The following ZNF592 variants were observed in gnomAD, a reference collection of about 807,000 sequenced individuals.
The protein encoded by ZNF592 is zinc finger protein 592.
ZNF592 carries 11 observed loss-of-function variants against 80.3 expected under a neutral mutation model. That is an observed-to-expected ratio of 0.14 (90% CI 0.09 to 0.23). ZNF592 has a LOEUF of 0.23. Among genes scored for constraint, ZNF592 ranks in the 10% least tolerant of loss-of-function variants. The pLI is 1.00. For missense variants in ZNF592, 1,420 were observed against 1,633.9 expected, an observed-to-expected ratio of 0.87 and a Z score of 2.26; for synonymous variants, 646 against 640.3, an observed-to-expected ratio of 1.01 and a Z score of -0.13.
chr15:84,786,837 G>A (rs1374469694), intron 4 of ZNF592, among the ~76,000 whole-genome samples: 1 of 131,542 alleles, frequency 7.6e-6, no homozygotes, highest in African/African-American at 2.9e-5. Flanking sequence ...TGGTCCTTAC[G>A]TATCTTTTTT....
At chr15:84,777,793 G>A (rs751224682) in intron 2 of ZNF592, among the ~76,000 whole-genome samples, 14 of 146,356 alleles carry the variant, frequency 9.6e-5, no homozygotes, top group South Asian at 4.4e-4. Context: ...TCCGCCTCCC[G>A]GGTTTACGCC....
chr15:84,778,505 A>T (rs900815709), intron 3 of ZNF592, among the ~76,000 whole-genome samples, 193 bp downstream of exon 3: 32 of 152,234 alleles, frequency 2.1e-4, no homozygotes, highest in African/African-American at 6.5e-4. Flanking sequence ...GTTGCCAGGA[A>T]CATGTAGGGA....
chr15:84,768,092 C>T (rs1042837351), intron 2 of ZNF592, among the ~76,000 whole-genome samples: 2 of 149,988 alleles, frequency 1.3e-5, no homozygotes, highest in African/African-American at 2.4e-5. Context: ...GGGGTTTTGC[C>T]ATGTTGCCCA....
At chr15:84,768,230 CT>C (rs995969490) in intron 2 of ZNF592, among the ~76,000 whole-genome samples, 550 of 122,320 alleles carry the variant, frequency 4.5e-3, no homozygotes, top group African/African-American at 0.014. Context: ...TTCTTTCTTT[CT>C]TTTTTTTTTT....
At chr15:84,785,188 A>G (rs974749582) in intron 4 of ZNF592, among the ~76,000 whole-genome samples, 3 of 152,176 alleles carry the variant, frequency 2.0e-5, no homozygotes, top group African/African-American at 7.2e-5. Context: ...ATAGGTCTTT[A>G]CTGGATGATC....
chr15:84,799,001 AGTAT>A lies in ZNF592; in HGVS notation c.3025-96_3025-93del. The A allele has an allele frequency of 6.3e-7, 1 of 1,588,932 alleles. No homozygotes were observed. The highest frequency in any genetic ancestry group is 1.1e-5 in the South Asian group (1 of 90,558). On this transcript the variant is annotated intron_variant, in intron 8 of 10. Transcript: ENST00000560079. This position sits in a 1 kb window ranked among gnomAD's most constrained non-coding sequence, Gnocchi z 4.2. ...TACCACAGATCTTGAGGTCTTCGGGAGTATCCTCCTTTCTGCCCATGGCATCTGA... is the reference window on the plus strand; with the variant it reads ...TACCACAGATCTTGAGGTCTTCGGGACCTCCTTTCTGCCCATGGCATCTGA...
At chr15:84,750,073 G>C (rs867832048) in intron 1 of ZNF592, among the ~76,000 whole-genome samples, 1 of 152,194 alleles carries the variant, frequency 6.6e-6, no homozygotes, top group Non-Finnish European at 1.5e-5. Flanking sequence ...AGGCCGAGGC[G>C]GGTGGATCGC....
chr15:84,794,276 CTT>C (rs943772645), intron 5 of ZNF592, among the ~76,000 whole-genome samples: 1 of 152,152 alleles, frequency 6.6e-6, no homozygotes, highest in African/African-American at 2.4e-5. Context: ...CTCTGATTAA[CTT>C]TTTGAGAAAC....
chr15:84,762,626 A>T (rs1360979558), intron 1 of ZNF592, among the ~76,000 whole-genome samples: 1 of 152,164 alleles, frequency 6.6e-6, no homozygotes, highest in Non-Finnish European at 1.5e-5. Context: ...TCTGAGGGTT[A>T]AATAAGCCTT....
chr15:84,771,928 A>G (rs1340622145), intron 2 of ZNF592, among the ~76,000 whole-genome samples: 3 of 152,120 alleles, frequency 2.0e-5, no homozygotes, highest in African/African-American at 7.2e-5. Flanking sequence ...TTATGTAGAA[A>G]TCCCTAAGAT....
intron 4 of ZNF592, among the ~76,000 whole-genome samples, chr15:84,788,977 A>G (rs10162762): frequency 0.84 from 127,644 of 151,788 alleles, 54,089 homozygotes; most frequent in African/African-American, 0.95. Context: ...TTGGGTGGCT[A>G]AGGTGGGTGG....
intron 3 of ZNF592, among the ~76,000 whole-genome samples, chr15:84,779,486 C>T (rs572799177): frequency 5.1e-4 from 78 of 152,058 alleles, no homozygotes; most frequent in Non-Finnish European, 9.0e-4. Flanking sequence ...TCAGCTTTGG[C>T]ATTTAAAACA....
intron 4 of ZNF592, among the ~76,000 whole-genome samples, chr15:84,787,258 G>C (rs1361930090): frequency 6.6e-6 from 1 of 152,118 alleles, no homozygotes; most frequent in Non-Finnish European, 1.5e-5. Context: ...TTCTGCCCTA[G>C]TGGGAGCTGG....
At chr15:84,787,194 G>A (rs936874437) in intron 4 of ZNF592, among the ~76,000 whole-genome samples, 1 of 152,090 alleles carries the variant, frequency 6.6e-6, no homozygotes, top group South Asian at 2.1e-4. Context: ...AGGTCTGGGT[G>A]TAGGATCCCA....
At chr15:84,785,134 A>G (rs1433780197) in intron 4 of ZNF592, among the ~76,000 whole-genome samples, 1 of 152,066 alleles carries the variant, frequency 6.6e-6, no homozygotes, top group African/African-American at 2.4e-5. Flanking sequence ...GTTCCACTCA[A>G]CTTCCCCTCA....
intron 1 of ZNF592, among the ~76,000 whole-genome samples, chr15:84,755,729 A>G (rs1467682622): frequency 6.6e-6 from 1 of 152,252 alleles, no homozygotes; most frequent in Non-Finnish European, 1.5e-5. Flanking sequence ...GGAGACAAAC[A>G]TTGAATGCCC....
At chr15:84,749,794 C>G (rs1175327870) in intron 1 of ZNF592, among the ~76,000 whole-genome samples, 1 of 152,188 alleles carries the variant, frequency 6.6e-6, no homozygotes, top group Non-Finnish European at 1.5e-5. Flanking sequence ...CTCAACCTCA[C>G]TGTTACGTTA....
chr15:84,751,270 A>C (rs957650983), intron 1 of ZNF592, among the ~76,000 whole-genome samples: 1 of 152,260 alleles, frequency 6.6e-6, no homozygotes, highest in Non-Finnish European at 1.5e-5. Flanking sequence ...AGAGGTTATC[A>C]TACCCATTTT....
intron 2 of ZNF592, among the ~76,000 whole-genome samples, chr15:84,767,322 G>A (rs1325704882): frequency 6.6e-6 from 1 of 152,072 alleles, no homozygotes; most frequent in Non-Finnish European, 1.5e-5. Context: ...CACCGTACCC[G>A]GCCAACACTG....
Sources: gnomAD v4.1 joint callset for allele counts (sites outside exome capture counted in the v4.1 genomes callset) on GRCh38, gnomAD v4.1.1 for gene constraint, Gnocchi (gnomAD v3.1) non-coding constraint, MANE v1.5 for transcripts, NCBI Gene and HGNC (gene_info 2026-07-23, HGNC 2026-07-21) for gene names.